USH2A: variants seen among roughly 807,000 people sequenced by gnomAD.
USH2A encodes the protein usherin, also known as Usher syndrome 2A (autosomal recessive, mild).
A neutral mutation model predicts 538.9 loss-of-function variants in USH2A; 443 were observed. The ratio of observed to expected loss-of-function variants is 0.82; its 90% CI spans 0.76 to 0.89. The LOEUF (loss-of-function observed/expected upper bound fraction) is 0.89. USH2A is among the 40% of genes least tolerant of loss of function. The pLI, the probability that USH2A is intolerant of heterozygous loss-of-function variation, is 0.00. For synonymous variants in USH2A, 2,413 were observed against 2,273.5 expected (o/e 1.06, Z -1.75); for missense variants, 6,633 against 6,324.8 (o/e 1.05, Z -1.65).
intron 5 of USH2A, 108 bp from the exon 6 acceptor site, chr1:216,325,707 C>T: frequency 1.8e-6 from 2 of 1,088,016 alleles, no homozygotes; most frequent in Non-Finnish European, 2.6e-6. Context: ...CATGAGTATC[C>T]ATTTAGTTTT....
intron 12 of USH2A, among the ~76,000 whole-genome samples, chr1:216,250,193 G>A (rs1010760248): frequency 6.6e-6 from 1 of 152,042 alleles, no homozygotes; most frequent in Non-Finnish European, 1.5e-5. Context: ...AAAAATGTTG[G>A]ATGTAATAAA....
intron 32 of USH2A, among the ~76,000 whole-genome samples, chr1:216,027,625 C>T (rs1212556575): frequency 6.6e-6 from 1 of 152,122 alleles, no homozygotes; most frequent in East Asian, 1.9e-4. Context: ...GAAATGGCCC[C>T]CTCTTTATCA....
At chr1:216,410,114 CA>C (rs1325709514) in intron 3 of USH2A, among the ~76,000 whole-genome samples, 1 of 151,730 alleles carries the variant, frequency 6.6e-6, no homozygotes, top group Non-Finnish European at 1.5e-5. Flanking sequence ...GATCGCTGAT[CA>C]TCAGAGCAAT....
Position 215,790,249 on chromosome 1 carries a change from A to T in USH2A, c.9992T>A (p.Met3331Lys), listed in dbSNP as rs141452179. Residue 3331 changes from methionine (M) to lysine (K), a missense_variant, in exon 51 of 72, where the codon ATG becomes AAG. Physicochemically the swap from Met to Lys is moderately conservative, Grantham distance 95. Transcript: ENST00000307340. Reference protein sequence around the residue: ...MFCCGQDYVNMSDTICCSASS... With the variant: ...MFCCGQDYVNKSDTICCSASS... ...AGCTGAGCAGCATATGGTATCTGAC[A>T]TATTCACATAATCCTGCCCACAACA... 36 of 1,614,094 alleles carry T rather than the reference A, an allele frequency of 2.2e-5. No homozygotes were observed. In the African/African-American group the frequency reaches 4.5e-4, roughly 20 times the overall value.
rs573547700 is a variant in USH2A at position 216,330,806 on chromosome 1, C to T, written c.785-3152G>A. ...GAAGATAAGAGTAGAAGCCAAGAGG[C>T]CAGTTAGGAGGATATTACAGTCATA... On this transcript the variant is annotated intron_variant, in intron 4 of 71. Transcript: ENST00000307340. 2.3e-4 allele frequency among the ~76,000 whole-genome samples: 35 copies of T among 151,888 alleles called. 1 individual carries two copies. In the South Asian group the frequency reaches 7.1e-3, roughly 31 times the overall value.
chr1:215,994,062 G>A (rs1316488037), intron 34 of USH2A, among the ~76,000 whole-genome samples: 1 of 152,076 alleles, frequency 6.6e-6, no homozygotes, highest in Non-Finnish European at 1.5e-5. Flanking sequence ...AATGATATTT[G>A]AAAACTATAC....
intron 67 of USH2A, among the ~76,000 whole-genome samples, chr1:215,642,247 C>T (rs1259923889): frequency 6.6e-6 from 1 of 152,204 alleles, no homozygotes; most frequent in East Asian, 1.9e-4. Flanking sequence ...TACTTTATCT[C>T]ATTTAATCCT....
chr1:215,685,791 G>C (rs1658406690), intron 61 of USH2A, among the ~76,000 whole-genome samples: 1 of 152,048 alleles, frequency 6.6e-6, no homozygotes, highest in South Asian at 2.1e-4. Flanking sequence ...AACATTGTCA[G>C]AACATTTTCA....
rs1323764612 is a variant in USH2A at position 215,813,729 on chromosome 1, C to A, written c.9739+7G>T. ...AGTTTTTGAGTACACCTGGAAATAACCCTCACCTGGTAGAATTCTAGCGTA... is the reference window on the plus strand; with the variant it reads ...AGTTTTTGAGTACACCTGGAAATAAACCTCACCTGGTAGAATTCTAGCGTA... On this transcript the variant is annotated splice_region_variant and intron_variant, in intron 49 of 71. Transcript: ENST00000307340. The A allele has an allele frequency of 6.2e-7, 1 of 1,613,688 alleles. No individual in the cohort carries two copies. Among genetic ancestry groups the A allele is most frequent in the Non-Finnish European group, 8.5e-7 (1 of 1,179,744 alleles).
chr1:216,202,523 T>TC (rs1186836033), intron 16 of USH2A, among the ~76,000 whole-genome samples: 1 of 152,236 alleles, frequency 6.6e-6, no homozygotes, highest in Non-Finnish European at 1.5e-5. Context: ...GTAGTTGCTC[T>TC]CCTTGGTTGG....
At chr1:215,635,624 C>A (rs977061028) in intron 69 of USH2A, among the ~76,000 whole-genome samples, 15 of 151,410 alleles carry the variant, frequency 9.9e-5, no homozygotes, top group Non-Finnish European at 1.8e-4. Flanking sequence ...GGTGTGATCT[C>A]CGCTCACTGC....
At chr1:216,190,161 A>T in intron 20 of USH2A, 62 bp downstream of exon 20, 1 of 1,602,734 alleles carries the variant, frequency 6.2e-7, no homozygotes, top group Admixed American at 1.7e-5. Flanking sequence ...AAGGTGTTGA[A>T]TATTATAAGT....
intron 11 of USH2A, among the ~76,000 whole-genome samples, chr1:216,263,328 C>T (rs868425199): frequency 6.6e-6 from 1 of 152,040 alleles, no homozygotes; most frequent in African/African-American, 2.4e-5. Context: ...GCAAAAACTA[C>T]AGGCCAATAT....
intron 37 of USH2A, among the ~76,000 whole-genome samples, chr1:215,959,240 A>G (rs1667139880): frequency 1.3e-5 from 2 of 152,140 alleles, no homozygotes; most frequent in South Asian, 4.1e-4. Flanking sequence ...GATAACAGAT[A>G]TATTTCCCAA....
chr1:216,341,520 A>C (rs2102679239), intron 4 of USH2A, among the ~76,000 whole-genome samples: 1 of 152,288 alleles, frequency 6.6e-6, no homozygotes, highest in African/African-American at 2.4e-5. Flanking sequence ...GGAAATAACA[A>C]AGAGTCCATA....
chr1:215,670,827 A>C (rs1434326217), intron 64 of USH2A, 145 bp downstream of exon 64: 3 of 809,652 alleles, frequency 3.7e-6, no homozygotes, highest in African/African-American at 1.7e-5. Context: ...CTCATTTACC[A>C]CTTAAAAATT....
chr1:216,261,221 T>C (rs184219518), intron 11 of USH2A, among the ~76,000 whole-genome samples: 3 of 152,056 alleles, frequency 2.0e-5, no homozygotes, highest in Admixed American at 2.0e-4. Context: ...AAAATATCTC[T>C]GTTATCCCCA....
chr1:215,719,740 AC>A (rs1659596918), intron 61 of USH2A, among the ~76,000 whole-genome samples: 1 of 152,210 alleles, frequency 6.6e-6, no homozygotes, highest in African/African-American at 2.4e-5. Flanking sequence ...GAGATAAGCA[AC>A]ATTTTAGTTC....
At chr1:215,819,004 G>A (rs1049982890) in intron 47 of USH2A, among the ~76,000 whole-genome samples, 2 of 151,650 alleles carry the variant, frequency 1.3e-5, no homozygotes, top group African/African-American at 4.8e-5. Context: ...TAAAAAAATA[G>A]GTGAAGCTCT....
Sources: allele counts gnomAD v4.1 joint callset (sites outside exome capture counted in the v4.1 genomes callset), GRCh38; gene constraint gnomAD v4.1.1; transcripts MANE v1.5; gene names NCBI Gene and HGNC (gene_info 2026-07-23, HGNC 2026-07-21).